Variants in EFNA5 observed in about 807,000 individuals in gnomAD.
The protein encoded by EFNA5 is ephrin A5, also known as ephrin-A5.
In EFNA5, 5 loss-of-function variants were observed where a neutral mutation model predicts 22.9. The observed-to-expected ratio is 0.22, with a 90% CI of 0.11 to 0.46. EFNA5 has a LOEUF of 0.46. Among genes scored for constraint, EFNA5 ranks in the 20% least tolerant of loss-of-function variants. The probability of loss-of-function intolerance (pLI) is 0.99; values close to 1 mark genes in which losing one functional copy is unlikely to be tolerated. For missense variants in EFNA5, 237 were observed against 293.3 expected, an observed-to-expected ratio of 0.81 and a Z score of 1.40; for synonymous variants, 113 against 112.2, an observed-to-expected ratio of 1.01 and a Z score of -0.04.
At chr5:107,483,407 T>C (rs942223876) in intron 1 of EFNA5, among the ~76,000 whole-genome samples, 3 of 152,138 alleles carry the variant, frequency 2.0e-5, no homozygotes, top group Non-Finnish European at 4.4e-5. Context: ...TCCCGAATCC[T>C]AGCTATAAGT....
intron 2 of EFNA5, among the ~76,000 whole-genome samples, chr5:107,416,383 G>C (rs966207841): frequency 1.3e-5 from 2 of 152,072 alleles, no homozygotes; most frequent in Non-Finnish European, 2.9e-5. Context: ...TAGGCTTGGG[G>C]TCAAACTACA....
intron 1 of EFNA5, among the ~76,000 whole-genome samples, chr5:107,632,320 T>C (rs951443148): frequency 1.3e-5 from 2 of 152,132 alleles, no homozygotes; most frequent in African/African-American, 4.8e-5. Flanking sequence ...GTAAATTGCA[T>C]CCATCCACAA....
At chr5:107,648,260 G>T (rs533510994) in intron 1 of EFNA5, among the ~76,000 whole-genome samples, 3 of 152,068 alleles carry the variant, frequency 2.0e-5, no homozygotes, top group African/African-American at 2.4e-5. Flanking sequence ...ATAATCACAT[G>T]AAAGATATGT....
chr5:107,577,869 G>A (rs932988994), intron 1 of EFNA5, among the ~76,000 whole-genome samples: 4 of 152,186 alleles, frequency 2.6e-5, no homozygotes, highest in Non-Finnish European at 5.9e-5. Context: ...CCACAGGAGG[G>A]ATAAACCTTT....
intron 1 of EFNA5, among the ~76,000 whole-genome samples, chr5:107,429,953 A>G (rs1486064482): frequency 1.3e-5 from 2 of 152,172 alleles, no homozygotes; most frequent in Non-Finnish European, 2.9e-5. Flanking sequence ...ACTCCACTTG[A>G]CCCTTGCTCT....
At chr5:107,595,139 T>A (rs1053065031) in intron 1 of EFNA5, among the ~76,000 whole-genome samples, 3 of 111,006 alleles carry the variant, frequency 2.7e-5, no homozygotes, top group African/African-American at 1.8e-4. Context: ...TTTGGTTTAA[T>A]TTTTTTTTTT....
intron 1 of EFNA5, among the ~76,000 whole-genome samples, chr5:107,593,389 CTGTT>C (rs1442136740): frequency 5.3e-5 from 8 of 152,198 alleles, no homozygotes; most frequent in East Asian, 1.9e-4. Flanking sequence ...TCCAGCCAAA[CTGTT>C]TGATGACTCT....
chr5:107,470,996 C>T (rs1750124517), intron 1 of EFNA5, among the ~76,000 whole-genome samples: 1 of 152,126 alleles, frequency 6.6e-6, no homozygotes, highest in Non-Finnish European at 1.5e-5. Context: ...TCTCTCAGAA[C>T]CCATTTTAAT....
chr5:107,415,765 G>A (rs1407037273), intron 2 of EFNA5, among the ~76,000 whole-genome samples: 2 of 152,252 alleles, frequency 1.3e-5, no homozygotes, highest in African/African-American at 4.8e-5. Context: ...CTGCAAGTCT[G>A]TAAAACACTG....
At chr5:107,545,814 C>T (rs1412711818) in intron 1 of EFNA5, among the ~76,000 whole-genome samples, 1 of 152,130 alleles carries the variant, frequency 6.6e-6, no homozygotes, top group Non-Finnish European at 1.5e-5. Flanking sequence ...GCAACTCAAA[C>T]TTTTGGAAAG....
intron 1 of EFNA5, among the ~76,000 whole-genome samples, chr5:107,621,008 C>A (rs774672681): frequency 1.3e-5 from 2 of 151,984 alleles, no homozygotes; most frequent in African/African-American, 2.4e-5. Context: ...TTTGTTATGT[C>A]TAGAAAGTAG....
At position 107,579,674 on chromosome 5, in the gene EFNA5, TG is replaced by T. The variant is rs374955967; in HGVS notation, c.125+90814del. Among the ~76,000 whole-genome samples, 90 of 152,316 alleles carry T rather than the reference TG, an allele frequency of 5.9e-4. 1 individual carries two copies. In the South Asian group the frequency reaches 0.014, roughly 23 times the overall value. On this transcript the variant is annotated intron_variant, in intron 1 of 4. Transcript: ENST00000333274. The stretch of plus-strand genomic sequence containing the variant: ...AATAATAGAAATGAGCAACATGACT[TG>T]ATAATTTCAGTTCAAAAAAAGCACA...
At chr5:107,534,458 T>C (rs1393685048) in intron 1 of EFNA5, among the ~76,000 whole-genome samples, 1 of 152,234 alleles carries the variant, frequency 6.6e-6, no homozygotes, top group Non-Finnish European at 1.5e-5. Flanking sequence ...CTAGGTCATC[T>C]TTAAATACAT....
chr5:107,518,253 A>C (rs2112440759), intron 1 of EFNA5, among the ~76,000 whole-genome samples: 1 of 151,818 alleles, frequency 6.6e-6, no homozygotes, highest in South Asian at 2.1e-4. Flanking sequence ...ACAACTGAGT[A>C]ATTAGAAAGC....
intron 1 of EFNA5, among the ~76,000 whole-genome samples, chr5:107,555,188 A>G (rs984481740): frequency 1.5e-4 from 23 of 152,342 alleles, no homozygotes; most frequent in African/African-American, 5.3e-4. Context: ...CCCACACACC[A>G]GTTCACATAT....
Position 107,670,510 on chromosome 5 carries a change from T to G in EFNA5, c.104A>C (p.Tyr35Ser). Residue 35 changes from tyrosine (Y) to serine (S), a missense_variant, in exon 1 of 5, where the codon TAC becomes TCC. By Grantham distance (144) the Tyr-to-Ser change is moderately radical. Transcript: ENST00000333274. ...SKAVADRYAV[Y>S]WNSSNPRFQR... is the part of the protein sequence containing the mutation. ...TTACCTGGGGTTGCTGCTGTTCCAG[T>G]AGACAGCGTAGCGGTCGGCGACGGC... 1 of 1,573,200 alleles carries G rather than the reference T, an allele frequency of 6.4e-7. No individual in the cohort carries two copies. The highest frequency in any genetic ancestry group is 8.6e-7 in the Non-Finnish European group (1 of 1,158,176).
At chr5:107,618,850 A>G (rs536705687) in intron 1 of EFNA5, among the ~76,000 whole-genome samples, 10 of 151,628 alleles carry the variant, frequency 6.6e-5, no homozygotes, top group Admixed American at 2.6e-4. Flanking sequence ...AACCATCCTA[A>G]CTCCTTCTTA....
chr5:107,444,088 A>G (rs1749331961), intron 1 of EFNA5, among the ~76,000 whole-genome samples: 1 of 151,788 alleles, frequency 6.6e-6, no homozygotes, highest in South Asian at 2.1e-4. Flanking sequence ...TGAGTGCTAC[A>G]TACTATATTT....
chr5:107,541,682 A>G (rs163892), intron 1 of EFNA5, among the ~76,000 whole-genome samples: 2,740 of 152,276 alleles, frequency 0.018, 75 homozygotes, highest in African/African-American at 0.062. Context: ...AGCTCAGTAA[A>G]CTGAAATGAG....
Sources: gnomAD v4.1 joint callset for allele counts (sites outside exome capture counted in the v4.1 genomes callset) on GRCh38, gnomAD v4.1.1 for gene constraint, MANE v1.5 for transcripts, NCBI Gene and HGNC (gene_info 2026-07-23, HGNC 2026-07-21) for gene names.